The following MAGI3 variants were observed in gnomAD, a reference collection of about 807,000 sequenced individuals.
MAGI3 encodes the protein membrane associated guanylate kinase, WW and PDZ domain containing 3, also known as membrane-associated guanylate kinase, WW and PDZ domain-containing protein 3.
A neutral mutation model predicts 121.8 loss-of-function variants in MAGI3; 43 were observed. The ratio of observed to expected loss-of-function variants is 0.35; its 90% CI spans 0.28 to 0.46. The LOEUF is 0.46. Ranked by LOEUF, MAGI3 falls within the 20% of genes least tolerant of loss-of-function variation. The probability of loss-of-function intolerance (pLI) is 1.00; values close to 1 mark genes in which losing one functional copy is unlikely to be tolerated. For synonymous variants in MAGI3, 553 were observed against 639.3 expected (o/e 0.86, Z 2.04); for missense variants, 1,547 against 1,797.3 (o/e 0.86, Z 2.52).
chr1:113,663,305 C>T lies in MAGI3; in HGVS notation c.2815+4040C>T, dbSNP rs7524210. ...ATTCACAGGGTTTTGCAATCATTAC[C>T]ACTAGTTCCACATTTTATTGCTCCA... is the stretch of plus-strand genomic sequence containing the variant. On this transcript the variant is annotated intron_variant, in intron 16 of 20. Coordinates refer to ENST00000307546, the MANE Select transcript of MAGI3 (RefSeq NM_001142782.2). Among the ~76,000 whole-genome samples the T allele has an allele frequency of 5.6e-3, 844 of 150,464 alleles. 9 individuals carry two copies. Among genetic ancestry groups the T allele is most frequent in the African/African-American group, 0.02 (806 of 40,808 alleles).
chr1:113,559,563 G>C (rs1454050775), intron 2 of MAGI3, among the ~76,000 whole-genome samples: 1 of 150,666 alleles, frequency 6.6e-6, no homozygotes. Flanking sequence ...GATTCATAAA[G>C]TTCCTTTTTT....
chr1:113,617,865 C>T (rs1433048560), intron 7 of MAGI3, among the ~76,000 whole-genome samples: 2 of 152,108 alleles, frequency 1.3e-5, no homozygotes, highest in African/African-American at 4.8e-5. Flanking sequence ...GTATCCCCCG[C>T]ATATTATGAA....
At chr1:113,653,802 A>G (rs369319143) in intron 14 of MAGI3, 28 bp from the exon 15 acceptor site, 2 of 1,546,610 alleles carry the variant, frequency 1.3e-6, no homozygotes, top group African/African-American at 2.8e-5. Flanking sequence ...TGTTCCAGAC[A>G]TATCAAAACT....
Position 113,683,300 on chromosome 1 carries a change from AAAT to A in MAGI3, c.3735_3737del (p.Asn1246del). ...TGGATAAGATTCCTAGTCCTCTAAAAAATAACCCCAAAAGAAGACCCAGAGATC... is the reference window on the plus strand; with the variant it reads ...TGGATAAGATTCCTAGTCCTCTAAAAAACCCCAAAAGAAGACCCAGAGATC... On this transcript the variant is annotated inframe_deletion, in exon 21 of 21. Coordinates refer to ENST00000307546, the MANE Select transcript of MAGI3 (RefSeq NM_001142782.2). 2 of 1,612,370 alleles carry A rather than the reference AAAT, an allele frequency of 1.2e-6. No homozygotes were observed. Among genetic ancestry groups the A allele is most frequent in the Non-Finnish European group, 1.7e-6 (2 of 1,179,538 alleles).
chr1:113,679,414 T>C (rs944344848), intron 19 of MAGI3, among the ~76,000 whole-genome samples: 1 of 152,194 alleles, frequency 6.6e-6, no homozygotes, highest in Non-Finnish European at 1.5e-5. Flanking sequence ...GCTCCATCCA[T>C]GTTGCTGTAA....
At chr1:113,534,949 C>T (rs1658897362) in intron 1 of MAGI3, among the ~76,000 whole-genome samples, 1 of 152,080 alleles carries the variant, frequency 6.6e-6, no homozygotes, top group Non-Finnish European at 1.5e-5. Flanking sequence ...ATATGGTATT[C>T]AGTCACTGGG....
chr1:113,596,944 A>G (rs1394760395), intron 6 of MAGI3, among the ~76,000 whole-genome samples: 1 of 152,202 alleles, frequency 6.6e-6, no homozygotes, highest in Non-Finnish European at 1.5e-5. Context: ...TAAATTTACC[A>G]TATGACCTAG....
At chr1:113,440,468 A>G (rs540835103) in intron 1 of MAGI3, among the ~76,000 whole-genome samples, 3 of 152,298 alleles carry the variant, frequency 2.0e-5, no homozygotes, top group South Asian at 2.1e-4. Context: ...ATCTGTGTCT[A>G]TATCTTTTAT....
intron 1 of MAGI3, among the ~76,000 whole-genome samples, chr1:113,464,370 A>G (rs760620113): frequency 1.6e-4 from 24 of 152,114 alleles, no homozygotes; most frequent in African/African-American, 3.4e-4. Context: ...TTGTGTATAC[A>G]TACTACATTT....
chr1:113,401,140 A>AT (rs1300272581), intron 1 of MAGI3, among the ~76,000 whole-genome samples: 1 of 152,186 alleles, frequency 6.6e-6, no homozygotes, highest in Non-Finnish European at 1.5e-5. Context: ...AGTTAGAGAG[A>AT]TTAACACGTG....
At chr1:113,643,688 T>C (rs1652674791) in intron 10 of MAGI3, 55 bp from the exon 11 acceptor site, 2 of 1,542,596 alleles carry the variant, frequency 1.3e-6, no homozygotes. Flanking sequence ...TAGCAGTATT[T>C]GTGATCTGGG....
intron 1 of MAGI3, among the ~76,000 whole-genome samples, chr1:113,444,574 C>A (rs1324782675): frequency 6.6e-6 from 1 of 152,074 alleles, no homozygotes; most frequent in Non-Finnish European, 1.5e-5. Flanking sequence ...AAAGACAATA[C>A]CAATCAAGAC....
chr1:113,457,971 A>G lies in MAGI3; in HGVS notation c.316+66622A>G, dbSNP rs527622361. On this transcript the variant is annotated intron_variant, in intron 1 of 20. Coordinates refer to ENST00000307546, the MANE Select transcript of MAGI3 (RefSeq NM_001142782.2). ...AGAAAGGAGGCCAATGTGGCTGAAGAACAGTGAACTAAGTGGGAGAGTAAG... is the reference window on the plus strand; with the variant it reads ...AGAAAGGAGGCCAATGTGGCTGAAGGACAGTGAACTAAGTGGGAGAGTAAG... 2.0e-5 allele frequency among the ~76,000 whole-genome samples: 3 copies of G among 152,366 alleles called. No individual in the cohort carries two copies. In the South Asian group the frequency reaches 6.2e-4, roughly 32 times the overall value.
intron 1 of MAGI3, among the ~76,000 whole-genome samples, chr1:113,430,015 G>A (rs1191091495): frequency 6.6e-6 from 1 of 152,016 alleles, no homozygotes; most frequent in African/African-American, 2.4e-5. Context: ...GTGAAACACT[G>A]CCATTCCTTT....
chr1:113,510,228 T>C (rs1443525285), intron 1 of MAGI3, among the ~76,000 whole-genome samples: 1 of 152,208 alleles, frequency 6.6e-6, no homozygotes, highest in Non-Finnish European at 1.5e-5. Context: ...TTGTTGGTAC[T>C]GTAAGTGCTA....
At position 113,422,636 on chromosome 1, in the gene MAGI3, A is replaced by G. The variant is rs1039296992; in HGVS notation, c.316+31287A>G. On this transcript the variant is annotated intron_variant, in intron 1 of 20. Coordinates refer to ENST00000307546, the MANE Select transcript of MAGI3 (RefSeq NM_001142782.2). The surrounding 1 kb of genome is among the most constrained non-coding windows in gnomAD (Gnocchi z 4.3). ...GCCTGCTCCGTGCAAGGGTGCATCT[A>G]TACCAGACATACCGCAAGCAGCTTC... Among the ~76,000 whole-genome samples, 15 of 152,244 alleles carry G rather than the reference A, an allele frequency of 9.9e-5. No homozygotes were observed. Among genetic ancestry groups the G allele is most frequent in the Admixed American group, 1.3e-4 (2 of 15,292 alleles).
chr1:113,450,098 A>G, intron 1 of MAGI3: 1 of 1,475,998 alleles, frequency 6.8e-7, no homozygotes. Context: ...TTGAAACCAT[A>G]GAAGTTACGG....
chr1:113,672,083 T>C (rs1005771409), intron 17 of MAGI3, among the ~76,000 whole-genome samples: 2 of 152,224 alleles, frequency 1.3e-5, no homozygotes, highest in Non-Finnish European at 2.9e-5. Flanking sequence ...TTGCCTGACA[T>C]GCGAGGATTA....
At position 113,660,938 on chromosome 1, in the gene MAGI3, G is replaced by A. The variant is rs146805310; in HGVS notation, c.2815+1673G>A. 5.0e-3 allele frequency among the ~76,000 whole-genome samples: 759 copies of A among 151,916 alleles called. 4 individuals carry two copies. The highest frequency in any genetic ancestry group is 0.018 in the African/African-American group (731 of 41,400). On this transcript the variant is annotated intron_variant, in intron 16 of 20. Coordinates refer to ENST00000307546, the MANE Select transcript of MAGI3 (RefSeq NM_001142782.2). ...TTTTTGAATGAAGGAATGAGTAAAC[G>A]AATGAGTGAACAAAGTAAAAGTTAG...
Sources: allele counts gnomAD v4.1 joint callset (sites outside exome capture counted in the v4.1 genomes callset), GRCh38; gene constraint gnomAD v4.1.1; non-coding constraint Gnocchi (gnomAD v3.1); transcripts MANE v1.5; gene names NCBI Gene and HGNC (gene_info 2026-07-23, HGNC 2026-07-21).